The following ARMC3 variants were observed in gnomAD, a reference collection of about 807,000 sequenced individuals.
ARMC3 encodes armadillo repeat-containing protein 3.
A neutral mutation model predicts 90.3 loss-of-function variants in ARMC3; 74 were observed. That is an observed-to-expected ratio of 0.82 (90% CI 0.68 to 0.99). The LOEUF (loss-of-function observed/expected upper bound fraction) is 0.99. Ranked by LOEUF, ARMC3 falls within the 50% of genes least tolerant of loss-of-function variation. The pLI is 0.00. For synonymous variants in ARMC3, 334 were observed against 361.8 expected (o/e 0.92, Z 0.87); for missense variants, 958 against 1,042.8 (o/e 0.92, Z 1.12).
At chr10:22,942,502 C>T (rs1324495264) in intron 2 of ARMC3, among the ~76,000 whole-genome samples, 1 of 152,116 alleles carries the variant, frequency 6.6e-6, no homozygotes, top group Admixed American at 6.5e-5. Flanking sequence ...GGCATTTCTC[C>T]AGCTACAATA....
In ARMC3 at chr10:22,946,212, G is replaced by C. The variant is rs1178170345; in HGVS notation, c.117G>C (p.Glu39Asp). ...TVVLMLNSPEEEILAKACEAI... is the reference protein window; with the variant it reads ...TVVLMLNSPEDEILAKACEAI... ...TGTTAATGCTTAATTCTCCAGAAGA[G>C]GAAATTTTGGCTAAAGCATGTGAAG... Residue 39 changes from glutamate (E) to aspartate (D), a missense_variant, in exon 3 of 19, where the codon GAG (glutamate) becomes GAC (aspartate). Coordinates refer to ENST00000298032, the MANE Select transcript of ARMC3 (RefSeq NM_173081.5). The C allele has an allele frequency of 4.3e-6, 7 of 1,612,778 alleles. No individual in the cohort carries two copies. In the South Asian group the frequency reaches 7.7e-5, roughly 18 times the overall value.
rs1304745815 is a variant in ARMC3, at chr10:23,032,900, GA to G, written c.2289del (p.Lys763AsnfsTer11). 6.2e-7 allele frequency: 1 copy of G among 1,612,694 alleles called. No individual in the cohort carries two copies. Among genetic ancestry groups the G allele is most frequent in the African/African-American group, 1.3e-5 (1 of 74,858 alleles). On this transcript the variant is annotated frameshift_variant, in exon 18 of 19. Coordinates refer to ENST00000298032, the MANE Select transcript of ARMC3 (RefSeq NM_173081.5). LOFTEE classifies it high-confidence loss of function. Reference protein sequence around the residue: ...EKMGGKIPKEKLPDFSWELHI... With the variant: ...EKMGGKIPKEXLPDFSWELHI... ...AAATGGGTGGTAAGATTCCAAAAGA[GA>G]AACTACCTGATTTCAGCTGGGAACT... is the stretch of plus-strand genomic sequence containing the variant.
chr10:23,008,627 GT>G (rs1471701564), intron 15 of ARMC3, among the ~76,000 whole-genome samples, 187 bp from the exon 16 acceptor site: 3 of 152,174 alleles, frequency 2.0e-5, no homozygotes, highest in Non-Finnish European at 4.4e-5. Flanking sequence ...TGTGGGTTTC[GT>G]TTCCTTAGCT....
At chr10:23,015,017 T>C (rs1215764431) in intron 16 of ARMC3, among the ~76,000 whole-genome samples, 1 of 148,518 alleles carries the variant, frequency 6.7e-6, no homozygotes, top group Non-Finnish European at 1.5e-5. Context: ...AAAAATAAAT[T>C]AAAAAAGTGA....
intron 6 of ARMC3, chr10:22,960,309 A>G (rs182198955): frequency 7.7e-4 from 119 of 155,094 alleles, no homozygotes; most frequent in Non-Finnish European, 4.4e-4. Context: ...ATGGCCATTA[A>G]TAGAGTAGGG....
chr10:23,003,713 T>C (rs2131434576), intron 13 of ARMC3, among the ~76,000 whole-genome samples: 1 of 152,280 alleles, frequency 6.6e-6, no homozygotes, highest in South Asian at 2.1e-4. Context: ...TAGTCCCAGC[T>C]ATTCAGGAGG....
In ARMC3 at chr10:23,030,710, C is replaced by T; in HGVS notation, c.2160C>T (p.Asp720=). 2 of 1,613,864 alleles carry T rather than the reference C, an allele frequency of 1.2e-6. No individual in the cohort carries two copies. The highest frequency in any genetic ancestry group is 1.7e-6 in the Non-Finnish European group (2 of 1,179,848). ...ACAAAGAATGGTGTCCTCCCTCTGACCCTGATTTCTCTATGTATGTGTATG... is the reference window on the plus strand; with the variant it reads ...ACAAAGAATGGTGTCCTCCCTCTGATCCTGATTTCTCTATGTATGTGTATG... The part of the protein sequence containing the change: ...SSDKEWCPPS[D]PDFSMYVYEV... The change falls in exon 17 of 19, where the codon GAC becomes GAT. Residue 720 remains aspartate (D), a synonymous_variant. Coordinates refer to ENST00000298032, the MANE Select transcript of ARMC3 (RefSeq NM_173081.5).
At chr10:23,022,412 C>T (rs1646186040) in intron 16 of ARMC3, among the ~76,000 whole-genome samples, 2 of 152,048 alleles carry the variant, frequency 1.3e-5, no homozygotes, top group Admixed American at 6.6e-5. Context: ...GAACTATTAA[C>T]CCTGGAAATA....
chr10:22,968,611 C>T, intron 8 of ARMC3, 122 bp downstream of exon 8: 1 of 829,486 alleles, frequency 1.2e-6, no homozygotes, highest in South Asian at 2.3e-5. Flanking sequence ...AAGTGATTCT[C>T]CCACCTCAGC....
chr10:22,931,900 A>T, intron 1 of ARMC3, 96 bp from the exon 2 acceptor site: 1 of 1,056,818 alleles, frequency 9.5e-7, no homozygotes, highest in South Asian at 1.5e-5. Flanking sequence ...GGAGGTAAAA[A>T]TTTAAAGGAG....
chr10:22,929,324 AGG>A (rs1833843230), intron 1 of ARMC3, among the ~76,000 whole-genome samples: 2 of 133,114 alleles, frequency 1.5e-5, no homozygotes, highest in East Asian at 9.0e-4. Flanking sequence ...AAGAAAGGAA[AGG>A]AAAGGAAAGG....
intron 10 of ARMC3, 63 bp downstream of exon 10, chr10:22,981,763 C>T (rs1836202590): frequency 1.5e-6 from 2 of 1,360,460 alleles, no homozygotes; most frequent in Non-Finnish European, 2.1e-6. Flanking sequence ...AAGATGTTCT[C>T]CTGTTAGTAT....
intron 3 of ARMC3, among the ~76,000 whole-genome samples, chr10:22,951,082 C>T (rs1042978861): frequency 3.3e-5 from 5 of 151,192 alleles, no homozygotes; most frequent in African/African-American, 9.8e-5. Flanking sequence ...GGACTACAGG[C>T]GCCCGCCACT....
chr10:22,997,825 T>A (rs991859828), intron 10 of ARMC3, among the ~76,000 whole-genome samples: 2 of 152,084 alleles, frequency 1.3e-5, no homozygotes, highest in Admixed American at 6.6e-5. Flanking sequence ...TAAATAAAAA[T>A]AATAATAATA....
At position 22,973,790 on chromosome 10, in the gene ARMC3, G is replaced by C. The variant is rs564627133; in HGVS notation, c.916+5301G>C. ...TTTTTTTTTTTTGAGACAGAATCTC[G>C]CTCTGTCACCCAGGCTGGAGTGCAG... is the stretch of plus-strand genomic sequence containing the variant. On this transcript the variant is annotated intron_variant, in intron 8 of 18. Coordinates refer to ENST00000298032, the MANE Select transcript of ARMC3 (RefSeq NM_173081.5). 5.1e-4 allele frequency among the ~76,000 whole-genome samples: 56 copies of C among 109,772 alleles called. 1 individual carries two copies. The South Asian group carries it at 0.015, about 29-fold the overall frequency. 72.0% of individuals were successfully genotyped at this position (109,772 alleles called of 152,430 possible).
chr10:22,978,405 C>T (rs985308559), intron 8 of ARMC3, among the ~76,000 whole-genome samples: 1 of 152,158 alleles, frequency 6.6e-6, no homozygotes, highest in Non-Finnish European at 1.5e-5. Flanking sequence ...AGAACTAACT[C>T]ACTATCAGGA....
chr10:22,997,531 G>C (rs373125453), intron 10 of ARMC3, among the ~76,000 whole-genome samples: 1 of 152,164 alleles, frequency 6.6e-6, no homozygotes, highest in Non-Finnish European at 1.5e-5. Context: ...GATCTTTAAT[G>C]TTTAATTTGT....
At chr10:23,009,452 T>C (rs1229691605) in intron 16 of ARMC3, among the ~76,000 whole-genome samples, 1 of 152,006 alleles carries the variant, frequency 6.6e-6, no homozygotes, top group Non-Finnish European at 1.5e-5. Flanking sequence ...CGCTCTTACT[T>C]GGTTGGGACA....
At chr10:22,979,940 T>G (rs1836109818) in intron 8 of ARMC3, among the ~76,000 whole-genome samples, 1 of 152,112 alleles carries the variant, frequency 6.6e-6, no homozygotes, top group Non-Finnish European at 1.5e-5. Flanking sequence ...TTAATATATA[T>G]CTGTGTATCA....
Sources: gnomAD v4.1 joint callset for allele counts (sites outside exome capture counted in the v4.1 genomes callset) on GRCh38, gnomAD v4.1.1 for gene constraint, MANE v1.5 for transcripts, NCBI Gene and HGNC (gene_info 2026-07-23, HGNC 2026-07-21) for gene names.